ADK: variants seen among roughly 807,000 people sequenced by gnomAD.
ADK encodes the protein adenosine kinase.
Under a neutral mutation model 44.7 loss-of-function variants are expected in ADK, and 24 were observed. That is an observed-to-expected ratio of 0.54 (90% CI 0.39 to 0.76). The LOEUF (loss-of-function observed/expected upper bound fraction) is 0.76, where lower values mean the gene tolerates loss of function less well. Among genes scored for constraint, ADK ranks in the 30% least tolerant of loss-of-function variants. The pLI is 0.00. For synonymous variants in ADK, 128 were observed against 142.6 expected (o/e 0.90, Z 0.73); for missense variants, 321 against 425.1 (o/e 0.76, Z 2.15).
intron 3 of ADK, among the ~76,000 whole-genome samples, chr10:74,286,333 C>T (rs1847161183): frequency 6.6e-6 from 1 of 152,176 alleles, no homozygotes; most frequent in African/African-American, 2.4e-5. Context: ...ACTGCAGGTG[C>T]GAGTCACCAT....
chr10:74,525,386 A>G lies in ADK; in HGVS notation c.686A>G (p.Lys229Arg). Residue 229 changes from lysine to arginine, a missense_variant, in exon 7 of 11, where the codon AAA becomes AGA. Coordinates refer to ENST00000539909, the MANE Select transcript of ADK (RefSeq NM_006721.4). ...CAGTTCTACAAGGAATCATTGATGA[A>G]AGTTATGCCTTATGTTGATATACTT... ...ISQFYKESLM[K>R]VMPYVDILFG... The G allele has an allele frequency of 2.5e-6, 4 of 1,613,606 alleles. No homozygotes were observed. The highest frequency in any genetic ancestry group is 3.4e-6 in the Non-Finnish European group (4 of 1,179,840).
At chr10:74,214,257 C>T (rs1274567633) in intron 2 of ADK, among the ~76,000 whole-genome samples, 1 of 151,886 alleles carries the variant, frequency 6.6e-6, no homozygotes, top group Non-Finnish European at 1.5e-5. Flanking sequence ...TGGTTTTGCC[C>T]CCCCATTTTC....
intron 6 of ADK, among the ~76,000 whole-genome samples, chr10:74,416,716 T>G (rs1844388951): frequency 6.6e-6 from 1 of 151,960 alleles, no homozygotes; most frequent in Admixed American, 6.6e-5. Flanking sequence ...TAATCATTTT[T>G]TGTATTCATC....
rs953236753 is a variant in ADK, at chr10:74,371,599, G to T, written c.274-22542G>T. On this transcript the variant is annotated intron_variant, in intron 4 of 10. Transcript: ENST00000539909. ...GATGTCCTTAAGTTCCTTGCAGCAGGAACCTGCTTAGGTGGTACCAATCTT... is the reference window on the plus strand; with the variant it reads ...GATGTCCTTAAGTTCCTTGCAGCAGTAACCTGCTTAGGTGGTACCAATCTT... The T allele has an allele frequency of 2.6e-6, 3 of 1,149,008 alleles. No individual in the cohort carries two copies. In the African/African-American group the frequency reaches 4.5e-5, roughly 17 times the overall value. The allele number at this position is 1,149,008 out of a possible 1,614,324, so 71.2% of individuals were successfully genotyped here.
chr10:74,388,509 C>T (rs147027802), intron 4 of ADK, among the ~76,000 whole-genome samples: 8 of 151,976 alleles, frequency 5.3e-5, no homozygotes, highest in East Asian at 1.9e-4. Context: ...TATAGCTCTT[C>T]GTTTATATAA....
chr10:74,270,503 T>A (rs1846388058), intron 3 of ADK, among the ~76,000 whole-genome samples: 1 of 152,180 alleles, frequency 6.6e-6, no homozygotes, highest in South Asian at 2.1e-4. Context: ...TCTCAAGCCA[T>A]TGTTCCACCT....
At chr10:74,348,869 A>T (rs1239527169) in intron 4 of ADK, among the ~76,000 whole-genome samples, 1 of 151,976 alleles carries the variant, frequency 6.6e-6, no homozygotes, top group Non-Finnish European at 1.5e-5. Flanking sequence ...GAGAAAAAAA[A>T]AATAAAATGG....
At chr10:74,616,505 A>G (rs539491549) in intron 9 of ADK, among the ~76,000 whole-genome samples, 1 of 152,280 alleles carries the variant, frequency 6.6e-6, no homozygotes, top group African/African-American at 2.4e-5. Context: ...ACTGCATTAC[A>G]TTGACACCTT....
intron 1 of ADK, among the ~76,000 whole-genome samples, chr10:74,165,303 A>G (rs1842006913): frequency 6.6e-6 from 1 of 152,042 alleles, no homozygotes; most frequent in South Asian, 2.1e-4. Flanking sequence ...TTTGGGTTGT[A>G]CAGTTGAGGG....
intron 1 of ADK, among the ~76,000 whole-genome samples, chr10:74,173,770 T>C (rs74910158): frequency 0.057 from 8,697 of 152,224 alleles, 881 homozygotes; most frequent in African/African-American, 0.2. Flanking sequence ...AGGTAGGTGT[T>C]ACCAAAGTAT....
chr10:74,615,589 C>T (rs994051883), intron 9 of ADK, among the ~76,000 whole-genome samples: 1 of 152,114 alleles, frequency 6.6e-6, no homozygotes, highest in Non-Finnish European at 1.5e-5. Context: ...TTAATTTTAG[C>T]CATTCTGGTG....
At chr10:74,364,739 T>TGTTC (rs1842448044) in intron 4 of ADK, among the ~76,000 whole-genome samples, 2 of 129,026 alleles carry the variant, frequency 1.6e-5, no homozygotes, top group African/African-American at 5.7e-5. Context: ...TGTGTGTGTG[T>TGTTC]GTTCTAGCAA....
intron 7 of ADK, among the ~76,000 whole-genome samples, chr10:74,538,709 G>C (rs1849535165): frequency 6.6e-6 from 1 of 152,136 alleles, no homozygotes; most frequent in Non-Finnish European, 1.5e-5. Flanking sequence ...AAACCAGATG[G>C]GATACATTGG....
intron 9 of ADK, among the ~76,000 whole-genome samples, chr10:74,622,714 G>C (rs150834069): frequency 1.4e-4 from 21 of 152,212 alleles, no homozygotes; most frequent in Non-Finnish European, 2.8e-4. Context: ...AGCTAGATTA[G>C]AACCCAGCCT....
intron 1 of ADK, among the ~76,000 whole-genome samples, chr10:74,155,634 A>G (rs907349150): frequency 6.6e-5 from 10 of 151,896 alleles, no homozygotes; most frequent in Non-Finnish European, 8.8e-5. Context: ...GGTTCATGCC[A>G]TTCTCCTGCC....
intron 7 of ADK, among the ~76,000 whole-genome samples, chr10:74,588,936 A>G (rs1316939379): frequency 6.6e-6 from 1 of 152,150 alleles, no homozygotes; most frequent in Non-Finnish European, 1.5e-5. Context: ...GAGCTTTTTG[A>G]GAGGTATTGT....
At chr10:74,232,276 T>G (rs1426316469) in intron 3 of ADK, among the ~76,000 whole-genome samples, 1 of 152,128 alleles carries the variant, frequency 6.6e-6, no homozygotes, top group African/African-American at 2.4e-5. Flanking sequence ...CCCAGCATTT[T>G]GGGAGGCTGA....
chr10:74,357,694 T>C (rs1172380161), intron 4 of ADK, among the ~76,000 whole-genome samples: 1 of 152,132 alleles, frequency 6.6e-6, no homozygotes, highest in African/African-American at 2.4e-5. Flanking sequence ...CTTCCTTACA[T>C]AGACCGATAA....
chr10:74,499,780 A>AAACAAATT (rs1286712656), intron 6 of ADK, among the ~76,000 whole-genome samples: 1 of 152,170 alleles, frequency 6.6e-6, no homozygotes. Flanking sequence ...AAGAAATTGG[A>AAACAAATT]AACAAATTCA....
Sources: allele counts gnomAD v4.1 joint callset (sites outside exome capture counted in the v4.1 genomes callset), GRCh38; gene constraint gnomAD v4.1.1; transcripts MANE v1.5; gene names NCBI Gene and HGNC (gene_info 2026-07-23, HGNC 2026-07-21).